SCFD2: variants seen among roughly 807,000 people sequenced by gnomAD.
The protein encoded by SCFD2 is sec1 family domain containing 2.
A neutral mutation model predicts 58.9 loss-of-function variants in SCFD2; 54 were observed. That is an observed-to-expected ratio of 0.92 (90% CI 0.74 to 1.15). The LOEUF (loss-of-function observed/expected upper bound fraction) is 1.15, where lower values mean the gene tolerates loss of function less well. Ranked by LOEUF, SCFD2 falls within the 50% of genes most tolerant of loss-of-function variation. The probability of loss-of-function intolerance (pLI) is 0.00; values close to 1 mark genes in which losing one functional copy is unlikely to be tolerated. For missense variants in SCFD2, 805 were observed against 836.6 expected, an observed-to-expected ratio of 0.96 and a Z score of 0.47; for synonymous variants, 321 against 335.9, an observed-to-expected ratio of 0.96 and a Z score of 0.49.
intron 5 of SCFD2, among the ~76,000 whole-genome samples, chr4:53,022,145 T>C (rs909053842): frequency 4.6e-5 from 7 of 152,162 alleles, no homozygotes; most frequent in African/African-American, 1.7e-4. Context: ...CCCTGGCAAG[T>C]TGGGAAAGGA....
chr4:53,324,934 G>C lies in SCFD2; in HGVS notation c.1008-11171C>G, dbSNP rs149745406. ...ATTGATACTAATTAACTATGTCTTAGTCAAATAAGGCCTAGGAAAGTAGAT... is the reference window on the plus strand; with the variant it reads ...ATTGATACTAATTAACTATGTCTTACTCAAATAAGGCCTAGGAAAGTAGAT... On this transcript the variant is annotated intron_variant, in intron 2 of 8. Transcript: ENST00000401642. Among the ~76,000 whole-genome samples, 3 of 152,286 alleles carry C rather than the reference G, an allele frequency of 2.0e-5. No individual in the cohort carries two copies. In the East Asian group the frequency reaches 5.8e-4, roughly 29 times the overall value.
At chr4:53,156,094 C>T (rs1239446212) in intron 4 of SCFD2, among the ~76,000 whole-genome samples, 2 of 152,132 alleles carry the variant, frequency 1.3e-5, no homozygotes, top group African/African-American at 4.8e-5. Context: ...CTTAAGAGCT[C>T]TTGATATGGC....
intron 5 of SCFD2, among the ~76,000 whole-genome samples, chr4:53,086,084 A>G (rs1724297078): frequency 6.6e-6 from 1 of 152,148 alleles, no homozygotes. Flanking sequence ...AACAATCAAC[A>G]AAGAGACAAC....
chr4:52,970,192 C>T (rs1721062458), intron 5 of SCFD2, among the ~76,000 whole-genome samples: 1 of 152,144 alleles, frequency 6.6e-6, no homozygotes, highest in Non-Finnish European at 1.5e-5. Flanking sequence ...GTGCAGCATA[C>T]CCAGTGTGAG....
chr4:53,170,164 T>C (rs1018579087), intron 4 of SCFD2, among the ~76,000 whole-genome samples: 4 of 152,204 alleles, frequency 2.6e-5, no homozygotes, highest in African/African-American at 9.6e-5. Context: ...GTTTCAGGTC[T>C]AACATTTAGT....
At chr4:53,270,950 C>A (rs1011201558) in intron 4 of SCFD2, among the ~76,000 whole-genome samples, 1 of 151,946 alleles carries the variant, frequency 6.6e-6, no homozygotes, top group African/African-American at 2.4e-5. Flanking sequence ...AACAGAAAAC[C>A]AACCACCATA....
chr4:52,933,696 C>CT (rs1720057813), intron 5 of SCFD2, among the ~76,000 whole-genome samples: 1 of 152,116 alleles, frequency 6.6e-6, no homozygotes, highest in Non-Finnish European at 1.5e-5. Context: ...CCAGAAACAG[C>CT]AAGGGATTTG....
At chr4:52,895,651 T>C (rs1346318133) in intron 7 of SCFD2, among the ~76,000 whole-genome samples, 2 of 152,216 alleles carry the variant, frequency 1.3e-5, no homozygotes, top group Non-Finnish European at 2.9e-5. Flanking sequence ...TGTGTCTTTA[T>C]AGCAGCATGA....
At chr4:52,952,874 A>G (rs536560094) in intron 5 of SCFD2, among the ~76,000 whole-genome samples, 1 of 152,328 alleles carries the variant, frequency 6.6e-6, no homozygotes, top group African/African-American at 2.4e-5. Context: ...TGACTGAACC[A>G]TTCCCTGGGA....
chr4:53,003,374 T>C (rs1721906262), intron 5 of SCFD2, among the ~76,000 whole-genome samples: 1 of 152,224 alleles, frequency 6.6e-6, no homozygotes, highest in East Asian at 1.9e-4. Flanking sequence ...TATGAAGTAA[T>C]AAAATTACAC....
intron 3 of SCFD2, among the ~76,000 whole-genome samples, chr4:53,294,193 G>C (rs1460734353): frequency 2.0e-5 from 3 of 152,088 alleles, no homozygotes; most frequent in African/African-American, 7.2e-5. Context: ...GGTATTTCTA[G>C]TTCTAGATCC....
At chr4:53,023,217 C>T (rs759446145) in intron 5 of SCFD2, among the ~76,000 whole-genome samples, 37 of 152,152 alleles carry the variant, frequency 2.4e-4, no homozygotes, top group Non-Finnish European at 5.0e-4. Context: ...CATCTCATTC[C>T]TTCATTCTGA....
rs114697809 is a variant in SCFD2 at position 53,359,891 on chromosome 4, C to A, written c.838+5213G>T. 3.5e-3 allele frequency among the ~76,000 whole-genome samples: 531 copies of A among 152,308 alleles called. 4 individuals are homozygous for A. Among genetic ancestry groups the A allele is most frequent in the African/African-American group, 0.012 (518 of 41,576 alleles). ...TACTACCTCATTCAATGTGGGGCCA[C>A]TCTGAAACAGTGGGCAAGTGCTGCC... On this transcript the variant is annotated intron_variant, in intron 1 of 8. Coordinates refer to ENST00000401642, the MANE Select transcript of SCFD2 (RefSeq NM_152540.4).
intron 5 of SCFD2, among the ~76,000 whole-genome samples, chr4:53,102,870 AGGT>A: frequency 6.6e-6 from 1 of 152,098 alleles, no homozygotes; most frequent in South Asian, 2.1e-4. Flanking sequence ...TAAAACAATA[AGGT>A]ACCCAAATTC....
intron 1 of SCFD2, among the ~76,000 whole-genome samples, chr4:53,355,392 T>C (rs1286468668): frequency 6.6e-6 from 1 of 152,214 alleles, no homozygotes; most frequent in East Asian, 1.9e-4. Context: ...CCCTCTCAGT[T>C]ACTCTCTGAG....
intron 5 of SCFD2, among the ~76,000 whole-genome samples, chr4:53,060,879 C>A (rs1283449354): frequency 1.3e-5 from 2 of 152,008 alleles, no homozygotes; most frequent in African/African-American, 2.4e-5. Context: ...TTTATAAAAG[C>A]ATAAAGAGGT....
intron 5 of SCFD2, among the ~76,000 whole-genome samples, chr4:53,046,873 T>C (rs926198514): frequency 6.6e-6 from 1 of 152,100 alleles, no homozygotes. Context: ...GGTTTTGCCA[T>C]ATTGGCCAGC....
At chr4:53,330,494 T>G (rs1054826104) in intron 2 of SCFD2, among the ~76,000 whole-genome samples, 1 of 152,084 alleles carries the variant, frequency 6.6e-6, no homozygotes, top group African/African-American at 2.4e-5. Context: ...CCAGCCAAAC[T>G]AAGCTTCAGA....
At chr4:53,041,279 C>T (rs1722893087) in intron 5 of SCFD2, among the ~76,000 whole-genome samples, 1 of 152,160 alleles carries the variant, frequency 6.6e-6, no homozygotes, top group South Asian at 2.1e-4. Context: ...ATGCTTGATA[C>T]AGTTTCACTG....
Sources: allele counts gnomAD v4.1 joint callset (sites outside exome capture counted in the v4.1 genomes callset), GRCh38; gene constraint gnomAD v4.1.1; transcripts MANE v1.5; gene names NCBI Gene and HGNC (gene_info 2026-07-23, HGNC 2026-07-21).